Variants in NAALADL2 observed in about 807,000 individuals in gnomAD.
NAALADL2 encodes the protein N-acetylated alpha-linked acidic dipeptidase like 2.
In NAALADL2, 76 loss-of-function variants were observed where a neutral mutation model predicts 87.2. The ratio of observed to expected loss-of-function variants is 0.87; its 90% CI spans 0.72 to 1.05. The LOEUF (loss-of-function observed/expected upper bound fraction) is 1.05, where lower values mean the gene tolerates loss of function less well. Ranked by LOEUF, NAALADL2 falls within the 50% of genes least tolerant of loss-of-function variation. NAALADL2 has a pLI of 0.00. For missense variants in NAALADL2, 1,089 were observed against 945.8 expected (o/e 1.15, Z -1.99); for synonymous variants, 354 against 331.0 (o/e 1.07, Z -0.75).
intron 2 of NAALADL2, among the ~76,000 whole-genome samples, chr3:175,116,940 C>G (rs1444826928): frequency 6.6e-6 from 1 of 151,824 alleles, no homozygotes; most frequent in Non-Finnish European, 1.5e-5. Context: ...CAGAATAAGG[C>G]CCTTGGAAAT....
intron 1 of NAALADL2, among the ~76,000 whole-genome samples, chr3:174,522,917 G>A (rs1422669440): frequency 1.9e-4 from 21 of 110,562 alleles, no homozygotes; most frequent in Non-Finnish European, 3.0e-4. Context: ...TTGGGCGAAA[G>A]AGCGAGACTC....
At chr3:175,516,140 A>G (rs991267338) in intron 9 of NAALADL2, among the ~76,000 whole-genome samples, 3 of 152,214 alleles carry the variant, frequency 2.0e-5, no homozygotes, top group Non-Finnish European at 4.4e-5. Context: ...GCTGCATGGA[A>G]TGTGTGGTAA....
At chr3:175,302,558 G>T (rs1757212682) in intron 4 of NAALADL2, among the ~76,000 whole-genome samples, 1 of 152,044 alleles carries the variant, frequency 6.6e-6, no homozygotes, top group South Asian at 2.1e-4. Context: ...TGATAGAACA[G>T]ACATTCTGGA....
chr3:175,331,867 G>A, intron 5 of NAALADL2, among the ~76,000 whole-genome samples: 1 of 152,110 alleles, frequency 6.6e-6, no homozygotes, highest in East Asian at 1.9e-4. Context: ...AAAAATCTTA[G>A]ATCTGATAAA....
At chr3:175,772,090 A>G (rs753618363) in intron 13 of NAALADL2, among the ~76,000 whole-genome samples, 9 of 152,148 alleles carry the variant, frequency 5.9e-5, no homozygotes, top group Non-Finnish European at 1.3e-4. Flanking sequence ...CCGTATCAAC[A>G]TCTGCAAAGA....
rs1388211555 is a variant in NAALADL2, at chr3:175,123,670, CCCT to C, written c.545+26381_545+26383del. Among the ~76,000 whole-genome samples the C allele has an allele frequency of 2.0e-4, 30 of 151,944 alleles. 1 individual carries two copies. The highest frequency in any genetic ancestry group is 2.0e-3 in the Admixed American group (30 of 15,220). On this transcript the variant is annotated intron_variant, in intron 2 of 13. Transcript: ENST00000454872. ...TAAACTGCTGCCTCTGCCTTACATC[CCCT>C]CTTCTGTATCTCTAGTGAATACATA... is the stretch of plus-strand genomic sequence containing the variant.
intron 4 of NAALADL2, among the ~76,000 whole-genome samples, chr3:175,284,380 C>A (rs1401065054): frequency 1.3e-5 from 2 of 151,838 alleles, no homozygotes; most frequent in South Asian, 2.1e-4. Flanking sequence ...TGAAATATTT[C>A]ATTTTCTTAT....
chr3:175,598,512 T>C (rs1722538539), intron 10 of NAALADL2, among the ~76,000 whole-genome samples: 1 of 152,098 alleles, frequency 6.6e-6, no homozygotes, highest in Non-Finnish European at 1.5e-5. Flanking sequence ...TTTCATATAA[T>C]AACCAGAGCT....
In NAALADL2 at chr3:175,362,718, A is replaced by C. The variant is rs2148914353; in HGVS notation, c.1090+38393A>C. Among the ~76,000 whole-genome samples the C allele has an allele frequency of 1.3e-5, 2 of 148,360 alleles. 1 individual carries two copies. Among genetic ancestry groups the C allele is most frequent in the Admixed American group, 1.4e-4 (2 of 14,566 alleles). On this transcript the variant is annotated intron_variant, in intron 5 of 13. Coordinates refer to ENST00000454872, the MANE Select transcript of NAALADL2 (RefSeq NM_207015.3). Reference sequence around the variant, plus strand: ...TACCCAGTGGTGGGATTGTTGGATCAAATGATAGTTCTCCTTTTGGTTCTT... The same window carrying C: ...TACCCAGTGGTGGGATTGTTGGATCCAATGATAGTTCTCCTTTTGGTTCTT...
chr3:174,586,549 C>T (rs1297112451), intron 2 of NAALADL2, among the ~76,000 whole-genome samples: 4 of 152,204 alleles, frequency 2.6e-5, no homozygotes, highest in Non-Finnish European at 5.9e-5. Context: ...GATAGCAGAA[C>T]TGCTGATGCC....
chr3:175,433,946 A>G (rs1317512759), intron 5 of NAALADL2, among the ~76,000 whole-genome samples: 1 of 151,986 alleles, frequency 6.6e-6, no homozygotes, highest in Non-Finnish European at 1.5e-5. Context: ...TCCCATGGCA[A>G]GTGTTTTAGA....
chr3:175,256,530 G>A lies in NAALADL2; in HGVS notation c.939G>A (p.Lys313=), dbSNP rs1361865916. 1 of 1,609,714 alleles carries A rather than the reference G, an allele frequency of 6.2e-7. No homozygotes were observed. The highest frequency in any genetic ancestry group is 1.1e-5 in the South Asian group (1 of 90,118). The change falls in exon 4 of 14, where the codon AAG becomes AAA. Residue 313 remains lysine (K), a splice_region_variant and synonymous_variant. Transcript: ENST00000454872. The part of the protein sequence containing the change: ...LKLGKLPLLY[K]LSSLEKAGFG... ...TAGGAAAATTGCCACTGCTTTATAA[G>A]GTTGGTCCAGTGAATGTTATTCAGT...
intron 12 of NAALADL2, among the ~76,000 whole-genome samples, chr3:175,740,023 G>A (rs777702537): frequency 1.3e-5 from 2 of 152,128 alleles, no homozygotes; most frequent in African/African-American, 2.4e-5. Context: ...GGGATTACAT[G>A]TAGAGGACAG....
At chr3:174,599,999 T>C (rs1454080409) in intron 2 of NAALADL2, among the ~76,000 whole-genome samples, 3 of 152,142 alleles carry the variant, frequency 2.0e-5, no homozygotes, top group African/African-American at 4.8e-5. Context: ...AATTCAGTGC[T>C]AGCTTCAAGT....
intron 12 of NAALADL2, among the ~76,000 whole-genome samples, chr3:175,745,864 CAATT>C (rs1479022139): frequency 6.6e-6 from 1 of 152,156 alleles, no homozygotes; most frequent in Non-Finnish European, 1.5e-5. Flanking sequence ...CACTTTAAAA[CAATT>C]AATGTCTGCG....
intron 13 of NAALADL2, among the ~76,000 whole-genome samples, chr3:175,792,927 A>G (rs7622634): frequency 0.45 from 68,412 of 152,200 alleles, 18,609 homozygotes; most frequent in African/African-American, 0.77. Context: ...TTTTCAAAAG[A>G]AAAAAGTGGA....
rs531465220 is a variant in NAALADL2, at chr3:175,432,118, AC to A, written c.1091-15109del. ...GACTCTGATCTCACCTGCATAGCTT[AC>A]CAGCCATATGACTCTTAGCATTACA... On this transcript the variant is annotated intron_variant, in intron 5 of 13. Coordinates refer to ENST00000454872, the MANE Select transcript of NAALADL2 (RefSeq NM_207015.3). 1.8e-4 allele frequency among the ~76,000 whole-genome samples: 28 copies of A among 152,208 alleles called. No individual in the cohort carries two copies. The East Asian group carries it at 5.0e-3, about 27-fold the overall frequency.
chr3:174,659,630 G>C (rs1725320413), intron 2 of NAALADL2, among the ~76,000 whole-genome samples: 1 of 152,108 alleles, frequency 6.6e-6, no homozygotes, highest in African/African-American at 2.4e-5. Context: ...GAACTCACTG[G>C]TCTTCTAATC....
chr3:174,858,839 C>T (rs1440913623), upstream of NAALADL2, among the ~76,000 whole-genome samples: 1 of 151,744 alleles, frequency 6.6e-6, no homozygotes, highest in Non-Finnish European at 1.5e-5. Flanking sequence ...GTTTAGGAAA[C>T]TGAGTCTCAA....
Sources: gnomAD v4.1 joint callset for allele counts (sites outside exome capture counted in the v4.1 genomes callset) on GRCh38, gnomAD v4.1.1 for gene constraint, MANE v1.5 for transcripts, NCBI Gene and HGNC (gene_info 2026-07-23, HGNC 2026-07-21) for gene names.